CSMD3: variants seen among roughly 807,000 people sequenced by gnomAD.
CSMD3 encodes CUB and sushi domain-containing protein 3.
In CSMD3, 177 loss-of-function variants were observed where a neutral mutation model predicts 435.2. The ratio of observed to expected loss-of-function variants is 0.41; its 90% CI spans 0.36 to 0.46. The LOEUF is 0.46. Among genes scored for constraint, CSMD3 ranks in the 20% least tolerant of loss-of-function variants. The probability of loss-of-function intolerance (pLI) is 0.34; values close to 1 mark genes in which losing one functional copy is unlikely to be tolerated. For synonymous variants in CSMD3, 1,656 were observed against 1,520.5 expected, an observed-to-expected ratio of 1.09 and a Z score of -2.07; for missense variants, 4,265 against 4,504.6, an observed-to-expected ratio of 0.95 and a Z score of 1.52.
At chr8:113,364,026 TTTGAG>T (rs2094295180) in intron 1 of CSMD3, among the ~76,000 whole-genome samples, 1 of 152,164 alleles carries the variant, frequency 6.6e-6, no homozygotes, top group Non-Finnish European at 1.5e-5. Flanking sequence ...TATGATCTTT[TTTGAG>T]TTAATTTCTA....
intron 1 of CSMD3, among the ~76,000 whole-genome samples, chr8:113,341,700 T>G (rs1253253565): frequency 6.6e-6 from 1 of 152,118 alleles, no homozygotes; most frequent in Non-Finnish European, 1.5e-5. Flanking sequence ...TATTTGACAT[T>G]TCATTTTTAC....
chr8:112,957,901 G>C (rs527454225), intron 7 of CSMD3, among the ~76,000 whole-genome samples: 1 of 151,538 alleles, frequency 6.6e-6, no homozygotes, highest in Admixed American at 6.6e-5. Context: ...GCGCACCACC[G>C]CGCCCAGATA....
intron 22 of CSMD3, among the ~76,000 whole-genome samples, chr8:112,625,180 A>T (rs142079219): frequency 5.5e-4 from 83 of 152,194 alleles, no homozygotes; most frequent in African/African-American, 1.8e-3. Flanking sequence ...CCCAGATTAG[A>T]CCCTAGTCAG....
intron 5 of CSMD3, among the ~76,000 whole-genome samples, chr8:113,088,540 A>G (rs921171135): frequency 1.3e-5 from 2 of 151,788 alleles, no homozygotes; most frequent in Admixed American, 6.6e-5. Flanking sequence ...ATAAAAAAGG[A>G]TAAGTTCATG....
chr8:112,224,840 G>C lies in CSMD3; in HGVS notation c.11055C>G (p.Asn3685Lys), dbSNP rs760587971. ...AAFENPMYDT[N>K]AKSVEGKAVR... ...CCGCCTTCCCTTCCACTGACTTTGC[G>C]TTGGTGTCATACATGGGATTTTCAA... Residue 3685 changes from asparagine (N) to lysine (K), a missense_variant, in exon 71 of 71, where the codon AAC (asparagine) becomes AAG (lysine). Physicochemically the swap from Asn to Lys is moderately conservative, Grantham distance 94. Coordinates refer to ENST00000297405, the MANE Select transcript of CSMD3 (RefSeq NM_198123.2). The C allele has an allele frequency of 6.2e-6, 10 of 1,614,020 alleles. No individual in the cohort carries two copies. The highest frequency in any genetic ancestry group is 7.6e-6 in the Non-Finnish European group (9 of 1,179,930).
chr8:112,286,935 G>A (rs1438544422), intron 58 of CSMD3, 129 bp downstream of exon 58: 12 of 780,960 alleles, frequency 1.5e-5, no homozygotes, highest in East Asian at 1.0e-4. Context: ...ATGGGAATAC[G>A]ACTGTTTTAT....
At chr8:113,329,479 A>C in intron 1 of CSMD3, among the ~76,000 whole-genome samples, 1 of 152,172 alleles carries the variant, frequency 6.6e-6, no homozygotes, top group East Asian at 1.9e-4. Context: ...GAACATGAAT[A>C]AGCAAAGCCT....
At chr8:112,306,901 A>T (rs924258944) in intron 50 of CSMD3, among the ~76,000 whole-genome samples, 1 of 152,124 alleles carries the variant, frequency 6.6e-6, no homozygotes, top group Admixed American at 6.6e-5. Context: ...TAATAATGTA[A>T]AATGTTATAT....
intron 22 of CSMD3, among the ~76,000 whole-genome samples, chr8:112,630,984 A>T (rs2074498934): frequency 1.6e-5 from 2 of 127,200 alleles, no homozygotes; most frequent in South Asian, 5.1e-4. Flanking sequence ...ACACACACAC[A>T]CTCCTAATAG....
intron 22 of CSMD3, among the ~76,000 whole-genome samples, chr8:112,594,567 G>A (rs1217001673): frequency 1.3e-5 from 2 of 152,122 alleles, no homozygotes; most frequent in Non-Finnish European, 1.5e-5. Flanking sequence ...TGGGGGCAGG[G>A]CACAAACAAA....
chr8:112,764,724 C>CT (rs2077932061), intron 13 of CSMD3, among the ~76,000 whole-genome samples: 3 of 151,454 alleles, frequency 2.0e-5, no homozygotes, highest in Admixed American at 2.0e-4. Flanking sequence ...TATTCCTGAA[C>CT]TTGTTTTTTA....
intron 24 of CSMD3, among the ~76,000 whole-genome samples, chr8:112,558,397 C>T (rs1392711188): frequency 1.4e-4 from 22 of 151,840 alleles, no homozygotes; most frequent in Non-Finnish European, 4.4e-5. Flanking sequence ...CTGGGTTTCC[C>T]ATTCTCAATC....
At chr8:113,300,646 A>C (rs942322614) in intron 2 of CSMD3, among the ~76,000 whole-genome samples, 1 of 152,114 alleles carries the variant, frequency 6.6e-6, no homozygotes. Flanking sequence ...CTGAAGATGC[A>C]CAGACATACA....
intron 32 of CSMD3, among the ~76,000 whole-genome samples, chr8:112,456,375 T>A (rs1175373741): frequency 1.3e-5 from 2 of 151,992 alleles, no homozygotes; most frequent in Non-Finnish European, 2.9e-5. Context: ...GTAGCAGCAG[T>A]TTGTGGAACT....
chr8:113,389,589 G>A (rs2094453288), intron 1 of CSMD3, among the ~76,000 whole-genome samples: 1 of 151,658 alleles, frequency 6.6e-6, no homozygotes, highest in African/African-American at 2.4e-5. Context: ...CTCTGCCCTT[G>A]AAGAAACTAA....
At chr8:112,488,811 A>G (rs1586489625) in intron 31 of CSMD3, among the ~76,000 whole-genome samples, 1 of 152,294 alleles carries the variant, frequency 6.6e-6, no homozygotes, top group East Asian at 1.9e-4. Context: ...ATAATAAGAT[A>G]TTATTATCTA....
chr8:112,458,147 A>G (rs1278268379), intron 32 of CSMD3, among the ~76,000 whole-genome samples: 1 of 151,790 alleles, frequency 6.6e-6, no homozygotes, highest in African/African-American at 2.4e-5. Context: ...TTAGCGCAGT[A>G]TTTTCATTGA....
At chr8:112,427,528 C>T (rs139550936) in intron 32 of CSMD3, among the ~76,000 whole-genome samples, 49 of 152,228 alleles carry the variant, frequency 3.2e-4, no homozygotes, top group African/African-American at 1.1e-3. Flanking sequence ...GAGGCCTCCC[C>T]AGTCCTGAGG....
chr8:112,910,983 C>T (rs2082395739), intron 10 of CSMD3, among the ~76,000 whole-genome samples: 1 of 151,900 alleles, frequency 6.6e-6, no homozygotes, highest in Non-Finnish European at 1.5e-5. Context: ...TATCATGACA[C>T]CATTCTCTCT....
Sources: gnomAD v4.1 joint callset for allele counts (sites outside exome capture counted in the v4.1 genomes callset) on GRCh38, gnomAD v4.1.1 for gene constraint, MANE v1.5 for transcripts, NCBI Gene and HGNC (gene_info 2026-07-23, HGNC 2026-07-21) for gene names.